SLC9A1: variants seen among roughly 807,000 people sequenced by gnomAD.
SLC9A1 encodes solute carrier family 9 member A1.
A neutral mutation model predicts 67.9 loss-of-function variants in SLC9A1; 22 were observed. The ratio of observed to expected loss-of-function variants is 0.32; its 90% confidence interval spans 0.23 to 0.46. The LOEUF (loss-of-function observed/expected upper bound fraction) is 0.46, where lower values mean the gene tolerates loss of function less well. Among genes scored for constraint, SLC9A1 ranks in the 20% least tolerant of loss-of-function variants. The pLI is 1.00. For synonymous variants in SLC9A1, 421 were observed against 471.8 expected (o/e 0.89, Z 1.40); for missense variants, 686 against 1,094.8 (o/e 0.63, Z 5.27).
chr1:27,131,947 A>AAAAAAAAAATATAT, intron 1 of SLC9A1, among the ~76,000 whole-genome samples: 3 of 52,118 alleles, frequency 5.8e-5, no homozygotes, highest in African/African-American at 1.3e-4. Context: ...AGAAAAAAAA[A>AAAAAAAAAATATAT]ATATATATAT....
intron 1 of SLC9A1, among the ~76,000 whole-genome samples, chr1:27,116,052 G>A (rs145435376): frequency 1.1e-3 from 166 of 152,216 alleles, no homozygotes; most frequent in African/African-American, 3.7e-3. Flanking sequence ...GTGCTAGTAC[G>A]GTGACAAGTC....
intron 1 of SLC9A1, among the ~76,000 whole-genome samples, chr1:27,133,050 G>A (rs1009853192): frequency 9.9e-5 from 15 of 151,980 alleles, no homozygotes; most frequent in African/African-American, 2.9e-4. Context: ...GCCCAAGCCC[G>A]TCAGGGTTTT....
At chr1:27,125,447 T>C (rs2083336619) in intron 1 of SLC9A1, among the ~76,000 whole-genome samples, 1 of 151,814 alleles carries the variant, frequency 6.6e-6, no homozygotes, top group African/African-American at 2.4e-5. Context: ...GATTTCACCA[T>C]GTTGGTGAGG....
intron 1 of SLC9A1, among the ~76,000 whole-genome samples, chr1:27,147,723 C>T (rs2083497836): frequency 6.6e-6 from 1 of 152,152 alleles, no homozygotes; most frequent in African/African-American, 2.4e-5. Context: ...AGGCCAGGAG[C>T]AGTGGCTTAC....
At chr1:27,107,152 A>ACACACACATT (rs796257581) in intron 4 of SLC9A1, among the ~76,000 whole-genome samples, 3 of 13,962 alleles carry the variant, frequency 2.1e-4, no homozygotes, top group South Asian at 3.0e-3. Flanking sequence ...CCACACCCTC[A>ACACACACATT]CAGCCCCTCC....
At chr1:27,127,513 C>T (rs531103339) in intron 1 of SLC9A1, among the ~76,000 whole-genome samples, 19 of 152,280 alleles carry the variant, frequency 1.2e-4, no homozygotes, top group African/African-American at 2.4e-5. Context: ...TACTGACTCC[C>T]AATCCAGCGC....
chr1:27,115,442 T>G (rs2083258005), intron 1 of SLC9A1, among the ~76,000 whole-genome samples: 1 of 151,992 alleles, frequency 6.6e-6, no homozygotes, highest in Non-Finnish European at 1.5e-5. Context: ...GAAAAAAATC[T>G]GAGCATCTAG....
chr1:27,100,305 T>A lies in SLC9A1; in HGVS notation c.*2A>T, dbSNP rs4266911. The A allele has an allele frequency of 6.6e-7, 1 of 1,518,926 alleles. No individual in the cohort carries two copies. The highest frequency in any genetic ancestry group is 8.8e-7 in the Non-Finnish European group (1 of 1,133,774). 94.1% of individuals were successfully genotyped at this position (1,518,926 alleles called of 1,614,324 possible). On this transcript the variant is annotated 3_prime_UTR_variant, in exon 12 of 12. Transcript: ENST00000263980. This position sits in a 1 kb window ranked among gnomAD's most constrained non-coding sequence, Gnocchi z 5.6. ...GACAGGCGCTGCCTGCTGGCCCTGG[T>A]GTTACTGCCCCTTGGGGAAGAACGG... is the stretch of plus-strand genomic sequence containing the variant.
chr1:27,125,711 C>T (rs549592508), intron 1 of SLC9A1, among the ~76,000 whole-genome samples: 24 of 152,296 alleles, frequency 1.6e-4, no homozygotes, highest in African/African-American at 5.3e-4. Context: ...TCTCCTGCCT[C>T]GGCCTCCTGC....
chr1:27,137,569 TCTC>T lies in SLC9A1; in HGVS notation c.352+16411_352+16413del, dbSNP rs2083427785. 6.6e-6 allele frequency among the ~76,000 whole-genome samples: 1 copy of T among 152,128 alleles called. No homozygotes were observed. On this transcript the variant is annotated intron_variant, in intron 1 of 11. Coordinates refer to ENST00000263980, the MANE Select transcript of SLC9A1 (RefSeq NM_003047.5). The surrounding 1 kb of genome is among the most constrained non-coding windows in gnomAD (Gnocchi z 4.6). ...CTTTTGATTCCCTAACCCCTTATCTTCTCCTCCTGGACTTCTGCAGTCTCTAGG... is the reference window on the plus strand; with the variant it reads ...CTTTTGATTCCCTAACCCCTTATCTTCTCCTGGACTTCTGCAGTCTCTAGG...
At chr1:27,112,185 T>C (rs2083232684) in intron 2 of SLC9A1, among the ~76,000 whole-genome samples, 1 of 152,162 alleles carries the variant, frequency 6.6e-6, no homozygotes, top group Admixed American at 6.5e-5. Context: ...CAAGAGCTAG[T>C]GCTAGAGGAA....
intron 8 of SLC9A1, 88 bp from the exon 9 acceptor site, chr1:27,102,218 A>G: frequency 7.3e-7 from 1 of 1,370,024 alleles, no homozygotes; most frequent in South Asian, 1.2e-5. Context: ...CACCCTAGGG[A>G]TGACCCAGGT....
intron 1 of SLC9A1, among the ~76,000 whole-genome samples, chr1:27,150,017 C>T (rs2083515933): frequency 6.6e-6 from 1 of 152,228 alleles, no homozygotes; most frequent in African/African-American, 2.4e-5. Flanking sequence ...AGTCAGTCTG[C>T]TATTTTCCCA....
rs1570840176 is a variant in SLC9A1 at position 27,100,290 on chromosome 1, G to A, written c.*17C>T. 6.6e-7 allele frequency: 1 copy of A among 1,505,714 alleles called. No homozygotes were observed. Among genetic ancestry groups the A allele is most frequent in the Non-Finnish European group, 8.9e-7 (1 of 1,123,940 alleles). 93.3% of individuals were successfully genotyped at this position (1,505,714 alleles called of 1,614,324 possible). A position where few individuals can be genotyped will look rare whatever the true frequency, so the allele number is the denominator to read the frequency against. The stretch of plus-strand genomic sequence containing the variant: ...AAGAGTCTGTGAGGGGACAGGCGCT[G>A]CCTGCTGGCCCTGGTGTTACTGCCC... On this transcript the variant is annotated 3_prime_UTR_variant, in exon 12 of 12. Coordinates refer to ENST00000263980, the MANE Select transcript of SLC9A1 (RefSeq NM_003047.5). This position sits in a 1 kb window ranked among gnomAD's most constrained non-coding sequence, Gnocchi z 5.6.
intron 1 of SLC9A1, among the ~76,000 whole-genome samples, chr1:27,131,620 C>A (rs904418631): frequency 6.6e-6 from 1 of 151,170 alleles, no homozygotes; most frequent in South Asian, 2.1e-4. Context: ...TGGTGGCGCG[C>A]GCCTGTAGTC....
At chr1:27,107,578 A>T in intron 4 of SLC9A1, 70 bp downstream of exon 4, 1 of 1,170,832 alleles carries the variant, frequency 8.5e-7, no homozygotes, top group Non-Finnish European at 1.2e-6. Flanking sequence ...CACACACAGC[A>T]CCACAGCCCA....
chr1:27,123,296 CCGAATTT>C (rs1364478998), intron 1 of SLC9A1, among the ~76,000 whole-genome samples: 1 of 152,094 alleles, frequency 6.6e-6, no homozygotes, highest in Admixed American at 6.5e-5. Flanking sequence ...TCCCCCACAA[CCGAATTT>C]CTGTTAAGTT....
rs1368059048 is a variant in SLC9A1 at position 27,100,162 on chromosome 1, G to A, written c.*145C>T. ...AGGCGGCAGGGGAGGAGCTGTGCTG[G>A]GGTGGGGGCTGTGGGCCCAGCTGCC... On this transcript the variant is annotated 3_prime_UTR_variant, in exon 12 of 12. Coordinates refer to ENST00000263980, the MANE Select transcript of SLC9A1 (RefSeq NM_003047.5). This position sits in a 1 kb window ranked among gnomAD's most constrained non-coding sequence, Gnocchi z 5.6. 8.7e-6 allele frequency: 5 copies of A among 574,790 alleles called. No individual in the cohort carries two copies. The highest frequency in any genetic ancestry group is 1.5e-5 in the Non-Finnish European group (5 of 338,414). The allele number at this position is 574,790 out of a possible 1,614,324, so 35.6% of individuals were successfully genotyped here. A position where few individuals can be genotyped will look rare whatever the true frequency, so the allele number is the denominator to read the frequency against.
intron 2 of SLC9A1, among the ~76,000 whole-genome samples, chr1:27,111,569 G>T (rs962826862): frequency 2.0e-5 from 3 of 152,188 alleles, no homozygotes; most frequent in African/African-American, 7.2e-5. Flanking sequence ...GCCAAAGAGG[G>T]AGCATCGCTT....
Sources: gnomAD v4.1 joint callset for allele counts (sites outside exome capture counted in the v4.1 genomes callset) on GRCh38, gnomAD v4.1.1 for gene constraint, Gnocchi (gnomAD v3.1) non-coding constraint, MANE v1.5 for transcripts, NCBI Gene and HGNC (gene_info 2026-07-23, HGNC 2026-07-21) for gene names.